PRPF3: variants seen among roughly 807,000 people sequenced by gnomAD.
The protein encoded by PRPF3 is U4/U6 small nuclear ribonucleoprotein Prp3.
PRPF3 carries 3 observed loss-of-function variants against 89.2 expected under a neutral mutation model. That is an observed-to-expected ratio of 0.03 (90% CI 0.02 to 0.09). The LOEUF (loss-of-function observed/expected upper bound fraction) is 0.09. Ranked by LOEUF, PRPF3 falls within the 10% of genes least tolerant of loss-of-function variation. The probability of loss-of-function intolerance (pLI) is 1.00; values close to 1 mark genes in which losing one functional copy is unlikely to be tolerated. For synonymous variants in PRPF3, 270 were observed against 289.1 expected (o/e 0.93, Z 0.67); for missense variants, 463 against 828.8 (o/e 0.56, Z 5.42).
intron 14 of PRPF3, among the ~76,000 whole-genome samples, chr1:150,348,249 G>A (rs373554726): frequency 6.6e-6 from 1 of 151,480 alleles, no homozygotes; most frequent in African/African-American, 2.4e-5. Context: ...GCGTGGCAGC[G>A]TGCGCCTGTA....
intron 12 of PRPF3, 100 bp downstream of exon 12, chr1:150,344,647 C>T: frequency 8.1e-7 from 1 of 1,241,192 alleles, no homozygotes; most frequent in South Asian, 1.3e-5. Flanking sequence ...TACCTAACAC[C>T]AGTTCCTACT....
intron 15 of PRPF3, 46 bp downstream of exon 15, chr1:150,349,264 G>A: frequency 1.5e-6 from 2 of 1,353,248 alleles, no homozygotes; most frequent in Non-Finnish European, 2.1e-6. Context: ...GCCAACTCCT[G>A]AATATTTATA....
In PRPF3 at chr1:150,343,247, AAAT is replaced by A. The variant is rs1236319000; in HGVS notation, c.1283-60_1283-58del. The A allele has an allele frequency of 3.5e-3, 873 of 248,218 alleles. 1 individual carries two copies. Among genetic ancestry groups the A allele is most frequent in the Middle Eastern group, 7.7e-3 (4 of 518 alleles). The allele number at this position is 248,218 out of a possible 1,614,324, so 15.4% of individuals were successfully genotyped here. ...ACAGAGTGAGAGAGAGAAAAAAAAA[AAAT>A]ATATATATATATATATGTATTCTTA... On this transcript the variant is annotated intron_variant, in intron 9 of 15. Transcript: ENST00000324862.
intron 7 of PRPF3, among the ~76,000 whole-genome samples, chr1:150,337,205 AT>A (rs587691429): frequency 6.6e-6 from 1 of 150,974 alleles, no homozygotes; most frequent in Admixed American, 6.6e-5. Context: ...CGCCCGGCTA[AT>A]TTTTTTGTAT....
chr1:150,352,493 G>A (rs1042103860), intron 15 of PRPF3, among the ~76,000 whole-genome samples: 13 of 151,920 alleles, frequency 8.6e-5, no homozygotes, highest in African/African-American at 3.1e-4. Flanking sequence ...GTGAAACCCC[G>A]TCTCTACTAG....
chr1:150,324,632 G>A (rs1553863169), intron 1 of PRPF3, among the ~76,000 whole-genome samples: 1 of 150,616 alleles, frequency 6.6e-6, no homozygotes, highest in Non-Finnish European at 1.5e-5. Context: ...CTTGTTGCAA[G>A]CTCTACCTCC....
chr1:150,349,298 G>GT, intron 15 of PRPF3, 80 bp downstream of exon 15: 1 of 1,027,022 alleles, frequency 9.7e-7, no homozygotes, highest in Non-Finnish European at 1.5e-6. Flanking sequence ...GCAATGGAAT[G>GT]TAAGATGTAA....
intron 15 of PRPF3, among the ~76,000 whole-genome samples, chr1:150,352,381 G>A (rs2794679): frequency 0.33 from 50,046 of 152,102 alleles, 8,956 homozygotes; most frequent in Non-Finnish European, 0.4. Context: ...AAATATCCAA[G>A]GAGGCCGGGC....
chr1:150,334,534 G>T (rs1341448218), intron 6 of PRPF3, among the ~76,000 whole-genome samples: 3 of 151,456 alleles, frequency 2.0e-5, no homozygotes, highest in Non-Finnish European at 4.4e-5. Context: ...TGTTGCCAAG[G>T]CTGGTCTTGA....
chr1:150,341,974 G>T (rs949940785), intron 9 of PRPF3, among the ~76,000 whole-genome samples: 1 of 151,762 alleles, frequency 6.6e-6, no homozygotes, highest in Non-Finnish European at 1.5e-5. Context: ...AAAGTGCTGG[G>T]TTTACCGGCG....
intron 4 of PRPF3, among the ~76,000 whole-genome samples, chr1:150,329,288 C>G (rs782325939): frequency 6.6e-6 from 1 of 152,114 alleles, no homozygotes; most frequent in African/African-American, 2.4e-5. Context: ...CTCAGCCGCC[C>G]AAATGGCTGG....
intron 15 of PRPF3, 84 bp downstream of exon 15, chr1:150,349,302 G>A (rs1658650180): frequency 3.0e-6 from 3 of 991,858 alleles, no homozygotes; most frequent in Admixed American, 1.7e-5. Flanking sequence ...TGGAATGTAA[G>A]ATGTAATCAG....
intron 9 of PRPF3, among the ~76,000 whole-genome samples, chr1:150,340,732 C>T (rs781857170): frequency 6.6e-6 from 1 of 152,050 alleles, no homozygotes; most frequent in Non-Finnish European, 1.5e-5. Context: ...CTAATCCAAA[C>T]ACTTTCGGAG....
rs1363588958 is a variant in PRPF3 at position 150,353,205 on chromosome 1, A to G, written c.*226A>G. 4 of 570,564 alleles carry G rather than the reference A, an allele frequency of 7.0e-6. No individual in the cohort carries two copies. The highest frequency in any genetic ancestry group is 3.1e-5 in the Admixed American group (1 of 32,398). The allele number at this position is 570,564 out of a possible 1,614,324, so 35.3% of individuals were successfully genotyped here. A position where few individuals can be genotyped will look rare whatever the true frequency, so the allele number is the denominator to read the frequency against. On this transcript the variant is annotated 3_prime_UTR_variant, in exon 16 of 16. Transcript: ENST00000324862. ...AAGAGTTATTTTTAAACTTGGTGTG[A>G]TATTTTTCACACATTCGTAAGTATT...
intron 14 of PRPF3, among the ~76,000 whole-genome samples, chr1:150,346,825 G>T (rs1658314257): frequency 6.6e-6 from 1 of 152,172 alleles, no homozygotes; most frequent in Non-Finnish European, 1.5e-5. Context: ...GGTGGCTCAT[G>T]CCTGTAATCC....
Position 150,346,096 on chromosome 1 carries a change from G to C in PRPF3, c.1719G>C (p.Val573=), listed in dbSNP as rs967923526. 2.5e-6 allele frequency: 4 copies of C among 1,614,086 alleles called. No individual in the cohort carries two copies. Residue 573 remains valine (V), a synonymous_variant, in exon 13 of 16, where the codon GTG becomes GTC. Coordinates refer to ENST00000324862, the MANE Select transcript of PRPF3 (RefSeq NM_004698.4). ...GGCAACTGTACCTGACAGGGGTGGT[G>C]GTACTGCACAAGGATGTCAACGTGG... ...NAGQLYLTGV[V]VLHKDVNVVV... is the part of the protein sequence containing the mutation.
intron 4 of PRPF3, among the ~76,000 whole-genome samples, chr1:150,328,917 T>C (rs755689449): frequency 1.1e-4 from 17 of 152,072 alleles, no homozygotes; most frequent in East Asian, 1.9e-4. Context: ...GTCTTCAACT[T>C]CTGACCTCAG....
intron 6 of PRPF3, 77 bp downstream of exon 6, chr1:150,333,276 C>T: frequency 6.7e-7 from 1 of 1,494,678 alleles, no homozygotes. Context: ...TGTTACTGAT[C>T]TGGCTGGGCG....
At chr1:150,328,489 CAA>C in intron 4 of PRPF3, 23 bp downstream of exon 4, 1 of 1,591,812 alleles carries the variant, frequency 6.3e-7, no homozygotes, top group Non-Finnish European at 8.6e-7. Flanking sequence ...GGACTGGAAG[CAA>C]AGTGGTTTTG....
Sources: allele counts gnomAD v4.1 joint callset (sites outside exome capture counted in the v4.1 genomes callset), GRCh38; gene constraint gnomAD v4.1.1; transcripts MANE v1.5; gene names NCBI Gene and HGNC (gene_info 2026-07-23, HGNC 2026-07-21).